ADD1: variants seen among roughly 807,000 people sequenced by gnomAD.
ADD1 encodes the protein alpha-adducin.
Under a neutral mutation model 80.5 loss-of-function variants are expected in ADD1, and 24 were observed. The observed-to-expected ratio is 0.30, with a 90% CI of 0.22 to 0.42. The LOEUF (loss-of-function observed/expected upper bound fraction) is 0.42. Ranked by LOEUF, ADD1 falls within the 10% of genes least tolerant of loss-of-function variation. The pLI is 1.00. For missense variants in ADD1, 948 were observed against 1,019.0 expected (o/e 0.93, Z 0.95); for synonymous variants, 373 against 393.8 (o/e 0.95, Z 0.63).
At chr4:2,906,381 G>C (rs1737067107) in intron 10 of ADD1, among the ~76,000 whole-genome samples, 1 of 151,146 alleles carries the variant, frequency 6.6e-6, no homozygotes, top group African/African-American at 2.4e-5. Flanking sequence ...AAAGGAAGTG[G>C]GCGTTATAAA....
chr4:2,927,454 T>A (rs1218388733), intron 15 of ADD1, among the ~76,000 whole-genome samples: 1 of 152,242 alleles, frequency 6.6e-6, no homozygotes, highest in Non-Finnish European at 1.5e-5. Flanking sequence ...CAGCTTGTGG[T>A]GCCTAACCTG....
chr4:2,892,060 G>A (rs1321686944), intron 4 of ADD1, among the ~76,000 whole-genome samples: 1 of 152,152 alleles, frequency 6.6e-6, no homozygotes, highest in Non-Finnish European at 1.5e-5. Flanking sequence ...GGCTCTCAGC[G>A]AGTAGGTGGT....
intron 1 of ADD1, among the ~76,000 whole-genome samples, chr4:2,863,789 A>G (rs996197888): frequency 4.0e-5 from 6 of 151,822 alleles, no homozygotes; most frequent in Non-Finnish European, 7.4e-5. Flanking sequence ...GGCTGGTCTC[A>G]AACTCCTGGG....
At chr4:2,865,091 C>G (rs1729350096) in intron 1 of ADD1, among the ~76,000 whole-genome samples, 1 of 152,046 alleles carries the variant, frequency 6.6e-6, no homozygotes, top group African/African-American at 2.4e-5. Flanking sequence ...TTTCTTTATG[C>G]AAATAGAAGG....
rs922649588 is a variant in ADD1, at chr4:2,926,494, C to G, written c.2047+382C>G. 1 of 829,120 alleles carries G rather than the reference C, an allele frequency of 1.2e-6. No individual in the cohort carries two copies. The highest frequency in any genetic ancestry group is 2.0e-6 in the Non-Finnish European group (1 of 505,134). The allele number at this position is 829,120 out of a possible 1,614,324, so 51.4% of individuals were successfully genotyped here. A position where few individuals can be genotyped will look rare whatever the true frequency, so the allele number is the denominator to read the frequency against. ...CCACCGTGTGTCTGTGGTGTGTGAT[C>G]CCGGGTGTCTGTCCCTCGGTCTCGT... On this transcript the variant is annotated intron_variant, in intron 15 of 15. Transcript: ENST00000683351. This position sits in a 1 kb window ranked among gnomAD's most constrained non-coding sequence, Gnocchi z 5.0.
chr4:2,885,557 C>A (rs1356714277), intron 4 of ADD1, among the ~76,000 whole-genome samples: 2 of 152,142 alleles, frequency 1.3e-5, no homozygotes, highest in Non-Finnish European at 2.9e-5. Flanking sequence ...TAATGTCTTG[C>A]CTTCTGCCTG....
chr4:2,911,742 C>T lies in ADD1; in HGVS notation c.1791+2311C>T, dbSNP rs189187112. On this transcript the variant is annotated intron_variant, in intron 13 of 15. Transcript: ENST00000683351. ...AAATGCTGGGATTATAGGGTGTGAG[C>T]CACCGCGCCTGGCATAACCTGAAAT... is the stretch of plus-strand genomic sequence containing the variant. Among the ~76,000 whole-genome samples, 167 of 152,284 alleles carry T rather than the reference C, an allele frequency of 1.1e-3. 1 individual carries two copies. The highest frequency in any genetic ancestry group is 3.6e-3 in the Admixed American group (55 of 15,296).
intron 1 of ADD1, among the ~76,000 whole-genome samples, chr4:2,857,520 ATC>A (rs1728258954): frequency 6.6e-6 from 1 of 152,048 alleles, no homozygotes; most frequent in Non-Finnish European, 1.5e-5. Flanking sequence ...AGGTGGGAGG[ATC>A]ACTTGAGCTC....
chr4:2,868,248 C>G (rs1330910807), intron 1 of ADD1: 5 of 152,250 alleles, frequency 3.3e-5, no homozygotes, highest in Admixed American at 2.6e-4. Flanking sequence ...GTTGGGCTCC[C>G]TCCTGCCAGT....
intron 14 of ADD1, among the ~76,000 whole-genome samples, chr4:2,920,259 G>T (rs750308990): frequency 2.6e-5 from 4 of 152,132 alleles, no homozygotes; most frequent in Non-Finnish European, 5.9e-5. Flanking sequence ...CCAATTAGGT[G>T]GTCAATTTTA....
chr4:2,875,690 G>T (rs1731166447), intron 1 of ADD1, among the ~76,000 whole-genome samples: 1 of 152,166 alleles, frequency 6.6e-6, no homozygotes, highest in African/African-American at 2.4e-5. Context: ...ACAAAACACA[G>T]CATTGGTTAG....
At chr4:2,918,770 A>G (rs1434819519) in intron 14 of ADD1, among the ~76,000 whole-genome samples, 5 of 151,630 alleles carry the variant, frequency 3.3e-5, no homozygotes, top group Non-Finnish European at 7.4e-5. Flanking sequence ...TATTGAGATA[A>G]TCATGTGGTT....
At chr4:2,885,763 C>T (rs1380776096) in intron 4 of ADD1, among the ~76,000 whole-genome samples, 3 of 151,832 alleles carry the variant, frequency 2.0e-5, no homozygotes, top group Non-Finnish European at 2.9e-5. Flanking sequence ...GCGCCCGCCA[C>T]CACGCCTGGC....
rs996907422 is a variant in ADD1 at position 2,894,796 on chromosome 4, C to G, written c.741+65C>G. On this transcript the variant is annotated intron_variant, in intron 6 of 15. Coordinates refer to ENST00000683351, the MANE Select transcript of ADD1 (RefSeq NM_001354761.2). ...GCTGAGTGAAAGGCACTGCACGTTTCCTCTGAATTGCCCTTGTTGTTTATA... is the reference window on the plus strand; with the variant it reads ...GCTGAGTGAAAGGCACTGCACGTTTGCTCTGAATTGCCCTTGTTGTTTATA... 3.3e-6 allele frequency: 5 copies of G among 1,498,760 alleles called. No homozygotes were observed. In the East Asian group the frequency reaches 1.0e-4, roughly 31 times the overall value. The allele number at this position is 1,498,760 out of a possible 1,614,324, so 92.8% of individuals were successfully genotyped here.
intron 1 of ADD1, among the ~76,000 whole-genome samples, chr4:2,871,485 C>T (rs1042856068): frequency 1.3e-5 from 2 of 152,226 alleles, no homozygotes; most frequent in African/African-American, 4.8e-5. Flanking sequence ...GTTAAGATAG[C>T]TGTTCATCCT....
At chr4:2,919,992 C>T (rs561526239) in intron 14 of ADD1, among the ~76,000 whole-genome samples, 200 of 152,294 alleles carry the variant, frequency 1.3e-3, no homozygotes, top group Non-Finnish European at 2.3e-3. Context: ...ATAAATTTCC[C>T]TCTAAACACT....
Position 2,899,776 on chromosome 4 carries a change from C to G in ADD1, c.1161+341C>G, listed in dbSNP as rs150382169. ...GCGAGAGAGGTGGCACTTTTGAAAT[C>G]GGTCAGTCAGGTATTTAGGCTTTTG... On this transcript the variant is annotated intron_variant, in intron 9 of 15. Coordinates refer to ENST00000683351, the MANE Select transcript of ADD1 (RefSeq NM_001354761.2). 2,025 of 370,914 alleles carry G rather than the reference C, an allele frequency of 5.5e-3. 15 individuals are homozygous for G. The highest frequency in any genetic ancestry group is 6.1e-3 in the Non-Finnish European group (1,186 of 193,856). 23.0% of individuals were successfully genotyped at this position (370,914 alleles called of 1,614,324 possible).
chr4:2,910,661 G>A (rs1293106654), intron 13 of ADD1, among the ~76,000 whole-genome samples: 1 of 152,206 alleles, frequency 6.6e-6, no homozygotes, highest in Non-Finnish European at 1.5e-5. Flanking sequence ...CCAGAAAGCA[G>A]CCTGGGTCGC....
intron 1 of ADD1, among the ~76,000 whole-genome samples, chr4:2,873,484 G>A (rs1338775864): frequency 2.6e-5 from 4 of 152,306 alleles, no homozygotes; most frequent in South Asian, 2.1e-4. Context: ...AATGGAGCAT[G>A]TATATACCTG....
Sources: gnomAD v4.1 joint callset for allele counts (sites outside exome capture counted in the v4.1 genomes callset) on GRCh38, gnomAD v4.1.1 for gene constraint, Gnocchi (gnomAD v3.1) non-coding constraint, MANE v1.5 for transcripts, NCBI Gene and HGNC (gene_info 2026-07-23, HGNC 2026-07-21) for gene names.